PRORP: variants seen among roughly 807,000 people sequenced by gnomAD.
The protein encoded by PRORP is protein only RNase P catalytic subunit.
In PRORP, 51 loss-of-function variants were observed where a neutral mutation model predicts 59.4. The ratio of observed to expected loss-of-function variants is 0.86; its 90% CI spans 0.69 to 1.08. The LOEUF is 1.08. Ranked by LOEUF, PRORP falls within the 50% of genes least tolerant of loss-of-function variation. The probability of loss-of-function intolerance (pLI) is 0.00; values close to 1 mark genes in which losing one functional copy is unlikely to be tolerated. For missense variants in PRORP, 646 were observed against 690.3 expected (o/e 0.94, Z 0.72); for synonymous variants, 231 against 245.6 (o/e 0.94, Z 0.55).
At chr14:35,214,503 A>G (rs555073919) in intron 5 of PRORP, among the ~76,000 whole-genome samples, 59 of 152,338 alleles carry the variant, frequency 3.9e-4, no homozygotes, top group African/African-American at 1.4e-3. Context: ...TTGTGTGGTT[A>G]TATAAGTTAT....
chr14:35,126,215 T>C (rs1305978330), intron 2 of PRORP, among the ~76,000 whole-genome samples: 3 of 152,072 alleles, frequency 2.0e-5, no homozygotes, highest in Admixed American at 2.0e-4. Flanking sequence ...GATGGTAATA[T>C]GTGGAAGGGG....
intron 4 of PRORP, chr14:35,157,847 G>A: frequency 6.4e-6 from 1 of 156,270 alleles, no homozygotes. Flanking sequence ...AAACACTGAT[G>A]TCCAAGTTGG....
intron 4 of PRORP, among the ~76,000 whole-genome samples, chr14:35,148,863 C>G (rs1286805796): frequency 6.6e-6 from 1 of 151,274 alleles, no homozygotes; most frequent in African/African-American, 2.4e-5. Flanking sequence ...GTTGGTTCCA[C>G]CAGTCTGTGC....
intron 4 of PRORP, among the ~76,000 whole-genome samples, chr14:35,156,167 C>T (rs916217662): frequency 6.6e-6 from 1 of 152,198 alleles, no homozygotes; most frequent in African/African-American, 2.4e-5. Flanking sequence ...TTAGGCATTT[C>T]ACAAAGGGAA....
At chr14:35,183,492 CTGT>C (rs771032850) in intron 5 of PRORP, among the ~76,000 whole-genome samples, 36 of 151,906 alleles carry the variant, frequency 2.4e-4, no homozygotes, top group Non-Finnish European at 3.8e-4. Context: ...AATCATTTAC[CTGT>C]TGTTAGACAA....
At chr14:35,257,385 A>G (rs1230611458) in intron 5 of PRORP, among the ~76,000 whole-genome samples, 3 of 152,098 alleles carry the variant, frequency 2.0e-5, no homozygotes, top group African/African-American at 4.8e-5. Context: ...TGCCCTGACA[A>G]CCACCATTCT....
At chr14:35,221,557 C>A (rs868444563) in intron 5 of PRORP, among the ~76,000 whole-genome samples, 2 of 152,168 alleles carry the variant, frequency 1.3e-5, no homozygotes, top group East Asian at 3.9e-4. Flanking sequence ...AAAACGAGTG[C>A]CTTAGTCACC....
chr14:35,208,385 G>A (rs191576852), intron 5 of PRORP, among the ~76,000 whole-genome samples: 74 of 152,180 alleles, frequency 4.9e-4, no homozygotes, highest in Non-Finnish European at 7.9e-4. Context: ...AGGCCTGACG[G>A]GGCAGACTAT....
chr14:35,153,401 C>A (rs967113188), intron 4 of PRORP, among the ~76,000 whole-genome samples: 1 of 63,300 alleles, frequency 1.6e-5, no homozygotes, highest in Non-Finnish European at 4.1e-5. Flanking sequence ...AGAGGGAGAC[C>A]GTGGGGAGAG....
chr14:35,174,859 G>T (rs182303086), intron 4 of PRORP, among the ~76,000 whole-genome samples: 1 of 148,596 alleles, frequency 6.7e-6, no homozygotes, highest in Non-Finnish European at 1.5e-5. Flanking sequence ...CGTCATTTAC[G>T]TTACGTATAT....
chr14:35,176,735 C>G (rs142105373), intron 4 of PRORP, among the ~76,000 whole-genome samples: 9,619 of 152,208 alleles, frequency 0.063, 385 homozygotes, highest in Middle Eastern at 0.11. Flanking sequence ...CCCTTTATTT[C>G]TTTCTCCTGC....
intron 5 of PRORP, among the ~76,000 whole-genome samples, chr14:35,202,632 G>GT (rs532237165): frequency 1.7e-4 from 26 of 151,716 alleles, no homozygotes; most frequent in Admixed American, 1.5e-3. Flanking sequence ...GGTTAGTTTG[G>GT]TTTTTTTATT....
chr14:35,247,639 G>A (rs1223019060), intron 5 of PRORP, among the ~76,000 whole-genome samples: 6 of 151,994 alleles, frequency 3.9e-5, no homozygotes, highest in Non-Finnish European at 8.8e-5. Context: ...CCTTATATAT[G>A]GACTGGACCT....
chr14:35,244,109 A>T (rs2050426758), intron 5 of PRORP, among the ~76,000 whole-genome samples: 1 of 152,096 alleles, frequency 6.6e-6, no homozygotes, highest in Admixed American at 6.5e-5. Flanking sequence ...CACCATTTCC[A>T]CTTTCTGTGT....
At chr14:35,251,456 C>G (rs2050610803) in intron 5 of PRORP, among the ~76,000 whole-genome samples, 1 of 152,126 alleles carries the variant, frequency 6.6e-6, no homozygotes, top group African/African-American at 2.4e-5. Context: ...CTGCTGACTT[C>G]CCTCATAAAT....
At chr14:35,159,081 C>T (rs528011207) in intron 4 of PRORP, 4 of 215,838 alleles carry the variant, frequency 1.9e-5, no homozygotes, top group Non-Finnish European at 3.8e-5. Flanking sequence ...CTCTCCTAAT[C>T]AGCAGTGGAT....
Position 35,228,158 on chromosome 14 carries a change from A to G in PRORP, c.1276-38569A>G, listed in dbSNP as rs535070389. Among the ~76,000 whole-genome samples, 4 of 152,316 alleles carry G rather than the reference A, an allele frequency of 2.6e-5. No homozygotes were observed. The South Asian group carries it at 8.3e-4, about 32-fold the overall frequency. ...ACTCCGTCTCAAAATAAATAAATAAATGAAGACTTAAAATCATAAGTGCTA... is the reference window on the plus strand; with the variant it reads ...ACTCCGTCTCAAAATAAATAAATAAGTGAAGACTTAAAATCATAAGTGCTA... On this transcript the variant is annotated intron_variant, in intron 5 of 7. Transcript: ENST00000534898.
intron 5 of PRORP, among the ~76,000 whole-genome samples, chr14:35,231,610 A>G (rs1193868373): frequency 2.0e-5 from 3 of 152,190 alleles, no homozygotes; most frequent in Non-Finnish European, 4.4e-5. Flanking sequence ...GCAAATTAAC[A>G]TATTTCCTTG....
intron 4 of PRORP, among the ~76,000 whole-genome samples, chr14:35,164,408 T>C (rs1190127917): frequency 1.3e-5 from 2 of 152,220 alleles, no homozygotes; most frequent in African/African-American, 4.8e-5. Context: ...AGTGGTGGAC[T>C]GGATAAAGAA....
Sources: allele counts gnomAD v4.1 joint callset (sites outside exome capture counted in the v4.1 genomes callset), GRCh38; gene constraint gnomAD v4.1.1; transcripts MANE v1.5; gene names NCBI Gene and HGNC (gene_info 2026-07-23, HGNC 2026-07-21).